Variants in ROBO2 observed in about 807,000 individuals in gnomAD.
ROBO2 encodes the protein roundabout homolog 2.
Under a neutral mutation model 160.8 loss-of-function variants are expected in ROBO2, and 53 were observed. The observed-to-expected ratio is 0.33, with a 90% confidence interval of 0.26 to 0.41. ROBO2 has a LOEUF of 0.41. ROBO2 is among the 10% of genes least tolerant of loss of function. ROBO2 has a pLI of 1.00. For missense variants in ROBO2, 1,577 were observed against 1,722.4 expected (o/e 0.92, Z 1.49); for synonymous variants, 664 against 611.7 (o/e 1.09, Z -1.26).
intron 2 of ROBO2, among the ~76,000 whole-genome samples, chr3:76,114,710 C>G (rs913469762): frequency 6.6e-6 from 1 of 151,946 alleles, no homozygotes; most frequent in African/African-American, 2.4e-5. Flanking sequence ...ACTTTATTAC[C>G]CTAAGAACTC....
chr3:76,724,075 C>G (rs569449521), intron 2 of ROBO2, among the ~76,000 whole-genome samples: 4 of 152,178 alleles, frequency 2.6e-5, no homozygotes, highest in African/African-American at 7.2e-5. Context: ...ATTATTCTAC[C>G]TCTGACATCA....
chr3:76,988,036 C>T (rs563324491), intron 2 of ROBO2, among the ~76,000 whole-genome samples: 16 of 152,160 alleles, frequency 1.1e-4, no homozygotes, highest in African/African-American at 3.9e-4. Flanking sequence ...TATAAGCTAA[C>T]TTTATTTGGT....
intron 2 of ROBO2, among the ~76,000 whole-genome samples, chr3:77,447,137 T>G (rs1268809155): frequency 6.6e-6 from 1 of 152,062 alleles, no homozygotes; most frequent in Admixed American, 6.6e-5. Flanking sequence ...TTTTCTCAAG[T>G]ATATTGAGAT....
Position 76,861,873 on chromosome 3 carries a change from G to A in ROBO2, c.110-236141G>A, listed in dbSNP as rs919445596. Among the ~76,000 whole-genome samples, 11 of 152,270 alleles carry A rather than the reference G, an allele frequency of 7.2e-5. 1 individual carries two copies. Among genetic ancestry groups the A allele is most frequent in the African/African-American group, 2.4e-4 (10 of 41,566 alleles). The stretch of plus-strand genomic sequence containing the variant: ...TTTTTAATTGACTGCTGTGTCATAA[G>A]AAAGAGGTTTTGCTGCAAGTAACAG... On this transcript the variant is annotated intron_variant, in intron 2 of 26. Coordinates refer to the ROBO2 transcript ENST00000487694.
chr3:76,013,892 C>T (rs980872707), intron 2 of ROBO2, among the ~76,000 whole-genome samples: 4 of 151,706 alleles, frequency 2.6e-5, no homozygotes, highest in African/African-American at 4.9e-5. Flanking sequence ...GTAGTTTATG[C>T]GTGTAATCCC....
At chr3:76,101,157 T>C (rs1322775134) in intron 2 of ROBO2, among the ~76,000 whole-genome samples, 2 of 152,094 alleles carry the variant, frequency 1.3e-5, no homozygotes, top group Non-Finnish European at 2.9e-5. Context: ...TAATATTAAT[T>C]TGGGCTACCG....
At chr3:76,676,485 A>C (rs552988042) in intron 2 of ROBO2, among the ~76,000 whole-genome samples, 1 of 152,280 alleles carries the variant, frequency 6.6e-6, no homozygotes, top group East Asian at 1.9e-4. Context: ...GGACTAATAC[A>C]ACAAGGTATA....
intron 2 of ROBO2, among the ~76,000 whole-genome samples, chr3:76,115,331 G>A (rs908642219): frequency 6.6e-6 from 1 of 152,066 alleles, no homozygotes; most frequent in African/African-American, 2.4e-5. Context: ...GATCCACTTT[G>A]CGTAATACAA....
chr3:76,437,619 T>C (rs1206700703), intron 2 of ROBO2, among the ~76,000 whole-genome samples: 2 of 152,126 alleles, frequency 1.3e-5, no homozygotes, highest in Non-Finnish European at 2.9e-5. Context: ...TGTTTGAAAA[T>C]TATTATACAT....
intron 2 of ROBO2, among the ~76,000 whole-genome samples, chr3:76,077,232 G>A (rs949253399): frequency 4.6e-5 from 7 of 152,160 alleles, no homozygotes; most frequent in Non-Finnish European, 1.0e-4. Flanking sequence ...AGGGATTGGG[G>A]AATTTGGAAA....
In ROBO2 at chr3:76,379,784, C is replaced by G. The variant is rs3849480; in HGVS notation, c.109+442182C>G. Among the ~76,000 whole-genome samples, 500 of 152,144 alleles carry G rather than the reference C, an allele frequency of 3.3e-3. 6 individuals carry two copies. Among genetic ancestry groups the G allele is most frequent in the Admixed American group, 0.024 (365 of 15,272 alleles). The stretch of plus-strand genomic sequence containing the variant: ...TTATTTTCCATTAAATGTGAATAAG[C>G]AACAATATGAAATAGTGCTTTCAAC... On this transcript the variant is annotated intron_variant, in intron 2 of 26. Coordinates refer to the ROBO2 transcript ENST00000487694.
intron 2 of ROBO2, among the ~76,000 whole-genome samples, chr3:77,105,807 T>G (rs978334533): frequency 2.6e-5 from 4 of 152,122 alleles, no homozygotes; most frequent in African/African-American, 7.2e-5. Context: ...CATTGTGTCC[T>G]CTACTTTTCA....
chr3:76,197,338 A>G (rs79201605), intron 2 of ROBO2, among the ~76,000 whole-genome samples: 1,478 of 145,962 alleles, frequency 0.01, 30 homozygotes, highest in African/African-American at 0.037. Flanking sequence ...CAATCTCTCT[A>G]TAGATTTGGA....
At chr3:77,229,938 A>G (rs1453698468) in intron 2 of ROBO2, among the ~76,000 whole-genome samples, 1 of 152,210 alleles carries the variant, frequency 6.6e-6, no homozygotes, top group East Asian at 1.9e-4. Context: ...TTGTTTAACC[A>G]TCCTTGTCTT....
chr3:75,989,562 G>GA (rs1423554793), intron 2 of ROBO2, among the ~76,000 whole-genome samples: 4 of 152,102 alleles, frequency 2.6e-5, no homozygotes, highest in Non-Finnish European at 4.4e-5. Context: ...TTTACAACAA[G>GA]AAAAAATAGA....
At chr3:77,588,328 G>C (rs946371897) in intron 16 of ROBO2, among the ~76,000 whole-genome samples, 2 of 151,920 alleles carry the variant, frequency 1.3e-5, no homozygotes, top group African/African-American at 2.4e-5. Flanking sequence ...ATGAACATTT[G>C]GAATATGGAC....
intron 24 of ROBO2, among the ~76,000 whole-genome samples, chr3:77,639,279 A>G (rs1166992255): frequency 6.6e-6 from 1 of 152,176 alleles, no homozygotes; most frequent in Non-Finnish European, 1.5e-5. Flanking sequence ...ATAATAGACA[A>G]TGGGAGCCAA....
intron 2 of ROBO2, among the ~76,000 whole-genome samples, chr3:77,219,468 G>GTATATATATATATATATATATATA (rs34026358): frequency 2.5e-5 from 3 of 122,238 alleles, no homozygotes; most frequent in Non-Finnish European, 5.1e-5. Context: ...ATGTATCTGT[G>GTATATATATATATATATATATATA]TATATATATA....
chr3:77,360,999 G>C (rs2153467292), intron 2 of ROBO2, among the ~76,000 whole-genome samples: 1 of 151,944 alleles, frequency 6.6e-6, no homozygotes, highest in Non-Finnish European at 1.5e-5. Flanking sequence ...AAATTGCATA[G>C]GCAAAAATTA....
Sources: gnomAD v4.1 joint callset for allele counts (sites outside exome capture counted in the v4.1 genomes callset) on GRCh38, gnomAD v4.1.1 for gene constraint, MANE v1.5 for transcripts, NCBI Gene and HGNC (gene_info 2026-07-23, HGNC 2026-07-21) for gene names.